Variants in TMEM132C observed in about 807,000 individuals in gnomAD.
TMEM132C encodes transmembrane protein 132C, also known as protein phosphatase 1, regulatory subunit 152.
Under a neutral mutation model 61.4 loss-of-function variants are expected in TMEM132C, and 29 were observed. The ratio of observed to expected loss-of-function variants is 0.47; its 90% CI spans 0.35 to 0.64. TMEM132C has a LOEUF of 0.64. TMEM132C is among the 30% of genes least tolerant of loss of function. The pLI is 0.00. For missense variants in TMEM132C, 1,408 were observed against 1,476.9 expected (o/e 0.95, Z 0.76); for synonymous variants, 656 against 633.1 (o/e 1.04, Z -0.54).
chr12:128,366,750 C>T (rs138643571), intron 1 of TMEM132C, among the ~76,000 whole-genome samples: 50 of 152,308 alleles, frequency 3.3e-4, no homozygotes, highest in Middle Eastern at 3.4e-3. Context: ...TGTTGTAAGA[C>T]CCCTTCCAGC....
At chr12:128,595,148 T>C (rs1875902478) in intron 3 of TMEM132C, among the ~76,000 whole-genome samples, 1 of 152,186 alleles carries the variant, frequency 6.6e-6, no homozygotes, top group African/African-American at 2.4e-5. Flanking sequence ...TATTTTTCTA[T>C]CCACTGCATT....
At chr12:128,386,940 G>T (rs1874603614) in intron 1 of TMEM132C, among the ~76,000 whole-genome samples, 1 of 151,984 alleles carries the variant, frequency 6.6e-6, no homozygotes, top group Non-Finnish European at 1.5e-5. Context: ...ACCAACCCGG[G>T]CAACGTAGTG....
intron 2 of TMEM132C, among the ~76,000 whole-genome samples, chr12:128,512,282 C>A (rs1230466705): frequency 6.6e-6 from 1 of 152,158 alleles, no homozygotes; most frequent in African/African-American, 2.4e-5. Context: ...CTTGTATCTC[C>A]TTCTAATCTT....
At chr12:128,562,838 G>T (rs2136164905) in intron 3 of TMEM132C, among the ~76,000 whole-genome samples, 1 of 152,322 alleles carries the variant, frequency 6.6e-6, no homozygotes, top group East Asian at 1.9e-4. Flanking sequence ...TCTCTTGTTT[G>T]TGTGTTTGAG....
At chr12:128,313,796 G>A (rs555365176) in intron 1 of TMEM132C, among the ~76,000 whole-genome samples, 6 of 152,322 alleles carry the variant, frequency 3.9e-5, no homozygotes, top group Admixed American at 1.3e-4. Flanking sequence ...TAGCACAGAC[G>A]CTGTGGGCAG....
At chr12:128,534,140 TA>T (rs1475747758) in intron 2 of TMEM132C, among the ~76,000 whole-genome samples, 1 of 152,226 alleles carries the variant, frequency 6.6e-6, no homozygotes, top group African/African-American at 2.4e-5. Flanking sequence ...TGATTTTCCT[TA>T]AGGAACACTT....
intron 4 of TMEM132C, among the ~76,000 whole-genome samples, chr12:128,657,273 G>C (rs1199202685): frequency 6.6e-6 from 1 of 152,116 alleles, no homozygotes. Context: ...TGGTTTCCCT[G>C]CTTGAATAGG....
At chr12:128,315,642 C>T (rs982962698) in intron 1 of TMEM132C, among the ~76,000 whole-genome samples, 5 of 152,100 alleles carry the variant, frequency 3.3e-5, no homozygotes, top group African/African-American at 1.2e-4. Context: ...AATAGTGGCC[C>T]CCCAAAATGT....
At chr12:128,474,920 A>G (rs116726836) in intron 2 of TMEM132C, among the ~76,000 whole-genome samples, 2,754 of 152,264 alleles carry the variant, frequency 0.018, 91 homozygotes, top group African/African-American at 0.064. Flanking sequence ...GTATGTGACC[A>G]GTTATCAGAC....
intron 3 of TMEM132C, among the ~76,000 whole-genome samples, chr12:128,575,251 C>T (rs946897711): frequency 7.2e-5 from 11 of 152,198 alleles, no homozygotes; most frequent in Non-Finnish European, 1.5e-4. Context: ...GGGGCCAAGG[C>T]AGGCGGATCA....
At chr12:128,435,360 G>T (rs1054237626) in intron 2 of TMEM132C, among the ~76,000 whole-genome samples, 1 of 152,152 alleles carries the variant, frequency 6.6e-6, no homozygotes, top group African/African-American at 2.4e-5. Context: ...AAGTCAAATT[G>T]TCCCTGTTCA....
intron 1 of TMEM132C, among the ~76,000 whole-genome samples, chr12:128,390,725 A>G (rs1391584379): frequency 6.6e-6 from 1 of 152,160 alleles, no homozygotes; most frequent in Admixed American, 6.5e-5. Flanking sequence ...TTTCTGATGT[A>G]TAAAGATCCC....
chr12:128,631,510 TTG>T (rs1357261297), intron 4 of TMEM132C, among the ~76,000 whole-genome samples: 1 of 152,224 alleles, frequency 6.6e-6, no homozygotes, highest in Non-Finnish European at 1.5e-5. Flanking sequence ...TTTTTTCAGA[TTG>T]TGTGAAATCT....
chr12:128,422,753 T>C (rs556773190), intron 2 of TMEM132C, among the ~76,000 whole-genome samples: 1 of 152,260 alleles, frequency 6.6e-6, no homozygotes, highest in African/African-American at 2.4e-5. Context: ...CATTGTAAAA[T>C]ATGGAGCAGC....
intron 2 of TMEM132C, among the ~76,000 whole-genome samples, chr12:128,528,131 C>A (rs1873155834): frequency 6.6e-6 from 1 of 152,192 alleles, no homozygotes; most frequent in Non-Finnish European, 1.5e-5. Context: ...GACTTCAGGG[C>A]TACATCCCCA....
At chr12:128,437,580 T>A (rs1325306044) in intron 2 of TMEM132C, among the ~76,000 whole-genome samples, 1 of 152,158 alleles carries the variant, frequency 6.6e-6, no homozygotes, top group Non-Finnish European at 1.5e-5. Flanking sequence ...TCTCTGCCTT[T>A]TCAAGGAGGA....
intron 1 of TMEM132C, among the ~76,000 whole-genome samples, chr12:128,307,396 T>C (rs904973248): frequency 6.8e-6 from 1 of 147,312 alleles, no homozygotes; most frequent in African/African-American, 2.5e-5. Flanking sequence ...TGTCTGCACA[T>C]AAAACTGTAA....
At chr12:128,506,808 G>A (rs969116722) in intron 2 of TMEM132C, among the ~76,000 whole-genome samples, 2 of 152,190 alleles carry the variant, frequency 1.3e-5, no homozygotes, top group African/African-American at 2.4e-5. Flanking sequence ...ATTGGCCACA[G>A]TGTTTGCCTC....
At chr12:128,520,886 G>A (rs560617683) in intron 2 of TMEM132C, among the ~76,000 whole-genome samples, 2 of 152,206 alleles carry the variant, frequency 1.3e-5, no homozygotes, top group South Asian at 4.2e-4. Flanking sequence ...GGAGAGTTGT[G>A]TGTTTGCTCC....
Sources: gnomAD v4.1 joint callset for allele counts (sites outside exome capture counted in the v4.1 genomes callset) on GRCh38, gnomAD v4.1.1 for gene constraint, MANE v1.5 for transcripts, NCBI Gene and HGNC (gene_info 2026-07-23, HGNC 2026-07-21) for gene names.